Variants in SHISA9 observed in about 807,000 individuals in gnomAD.
SHISA9 encodes the protein protein shisa-9.
A neutral mutation model predicts 38.0 loss-of-function variants in SHISA9; 13 were observed. The ratio of observed to expected loss-of-function variants is 0.34; its 90% CI spans 0.22 to 0.54. SHISA9 has a LOEUF of 0.54. SHISA9 is among the 20% of genes least tolerant of loss of function. The pLI, the probability that SHISA9 is intolerant of heterozygous loss-of-function variation, is 0.91. For synonymous variants in SHISA9, 275 were observed against 242.0 expected, an observed-to-expected ratio of 1.14 and a Z score of -1.27; for missense variants, 538 against 575.8, an observed-to-expected ratio of 0.93 and a Z score of 0.67.
At chr16:13,449,557 C>T in the SHISA9 span, among the ~76,000 whole-genome samples, 5 of 152,086 alleles carry the variant, frequency 3.3e-5, no homozygotes, top group African/African-American at 1.2e-4. Flanking sequence ...CAGAGAGAAT[C>T]CACTGGATTG....
At chr16:13,268,916 C>A in the SHISA9 span, among the ~76,000 whole-genome samples, 2 of 152,110 alleles carry the variant, frequency 1.3e-5, no homozygotes, top group African/African-American at 4.8e-5. Flanking sequence ...GTTATATGTA[C>A]AGCTTTATCA....
intron 1 of SHISA9, chr16:12,911,284 G>A: frequency 3.0e-6 from 3 of 985,422 alleles, no homozygotes; most frequent in South Asian, 4.7e-5. Flanking sequence ...CTCAAACTAT[G>A]TGCCGCAAAC....
At chr16:13,171,075 A>T (rs1433424679) in intron 2 of SHISA9, among the ~76,000 whole-genome samples, 1 of 152,244 alleles carries the variant, frequency 6.6e-6, no homozygotes, top group Non-Finnish European at 1.5e-5. Context: ...TGAGGGCCTC[A>T]GGAAGTTTCC....
chr16:13,542,053 TAA>T, the SHISA9 span, among the ~76,000 whole-genome samples: 4 of 152,026 alleles, frequency 2.6e-5, no homozygotes, highest in Non-Finnish European at 4.4e-5. Flanking sequence ...AAGAGACAGA[TAA>T]AGACACACAT....
chr16:13,181,448 G>A (rs545546458), intron 2 of SHISA9, among the ~76,000 whole-genome samples: 55 of 151,790 alleles, frequency 3.6e-4, no homozygotes, highest in African/African-American at 1.3e-3. Context: ...ATATTTGAAG[G>A]TTTAAATGAG....
chr16:13,420,852 G>A, the SHISA9 span, among the ~76,000 whole-genome samples: 2 of 152,146 alleles, frequency 1.3e-5, no homozygotes, highest in South Asian at 2.1e-4. Context: ...CTGAGATTCT[G>A]CAGATGACAA....
chr16:13,091,267 A>G (rs2073772177), intron 2 of SHISA9, among the ~76,000 whole-genome samples: 1 of 152,014 alleles, frequency 6.6e-6, no homozygotes, highest in Non-Finnish European at 1.5e-5. Flanking sequence ...GAATCTGACA[A>G]TTATGTGTCT....
chr16:13,498,540 T>G, the SHISA9 span, among the ~76,000 whole-genome samples: 13 of 152,272 alleles, frequency 8.5e-5, no homozygotes, highest in South Asian at 2.5e-3. Flanking sequence ...GAGGATCAGC[T>G]GAGGTCAGGA....
At chr16:13,479,679 G>A in the SHISA9 span, among the ~76,000 whole-genome samples, 1 of 151,952 alleles carries the variant, frequency 6.6e-6, no homozygotes, top group Non-Finnish European at 1.5e-5. Context: ...CCTTCCTCAC[G>A]GCTGCATGAG....
chr16:13,485,062 A>C, the SHISA9 span, among the ~76,000 whole-genome samples: 1 of 151,848 alleles, frequency 6.6e-6, no homozygotes, highest in Non-Finnish European at 1.5e-5. Flanking sequence ...TCTGGGATAC[A>C]TATGCAGAAT....
At chr16:12,909,505 A>G in intron 1 of SHISA9, 1 of 985,356 alleles carries the variant, frequency 1.0e-6, no homozygotes, top group Non-Finnish European at 1.2e-6. Flanking sequence ...GGTGTCATAT[A>G]TTTGTCATTG....
intron 2 of SHISA9, among the ~76,000 whole-genome samples, chr16:12,932,983 A>G (rs893132600): frequency 1.3e-5 from 2 of 152,132 alleles, no homozygotes; most frequent in African/African-American, 4.8e-5. Flanking sequence ...AGTCCCTCAA[A>G]GGACTTATGA....
At chr16:13,010,109 T>G (rs987112816) in intron 2 of SHISA9, among the ~76,000 whole-genome samples, 1 of 151,926 alleles carries the variant, frequency 6.6e-6, no homozygotes, top group Non-Finnish European at 1.5e-5. Context: ...GCCCAGGAGG[T>G]TGAGACTGCA....
the SHISA9 span, among the ~76,000 whole-genome samples, chr16:13,523,142 G>C: frequency 6.6e-6 from 1 of 152,190 alleles, no homozygotes; most frequent in South Asian, 2.1e-4. Flanking sequence ...GACATCAGGA[G>C]TTTGAGACCA....
chr16:13,127,120 G>A lies in SHISA9; in HGVS notation c.692-76274G>A, dbSNP rs537211190. Among the ~76,000 whole-genome samples the A allele has an allele frequency of 4.7e-5, 7 of 148,168 alleles. No individual in the cohort carries two copies. The South Asian group carries it at 1.5e-3, about 32-fold the overall frequency. ...GAAAGAGAGAGAGACTGAGGGAACA[G>A]AGAGAGGGAGGGAGAGAGAGAGAGA... On this transcript the variant is annotated intron_variant, in intron 2 of 4. Transcript: ENST00000558583.
the SHISA9 span, among the ~76,000 whole-genome samples, chr16:13,426,194 G>A: frequency 6.6e-6 from 1 of 152,036 alleles, no homozygotes; most frequent in Non-Finnish European, 1.5e-5. Flanking sequence ...CCGTTTATTG[G>A]GAGCTTACTA....
At chr16:13,218,006 A>G (rs2051187100) in intron 4 of SHISA9, among the ~76,000 whole-genome samples, 1 of 133,190 alleles carries the variant, frequency 7.5e-6, no homozygotes, top group South Asian at 2.9e-4. Flanking sequence ...CTCCAACCTG[A>G]GAGAGAAGGA....
At chr16:13,243,713 A>G (rs1389055793), downstream of SHISA9, among the ~76,000 whole-genome samples, 1 of 147,514 alleles carries the variant, frequency 6.8e-6, no homozygotes, top group East Asian at 2.0e-4. Flanking sequence ...TTCTCCCTTC[A>G]TGGCCTGAAC....
chr16:13,396,026 T>G, the SHISA9 span, among the ~76,000 whole-genome samples: 1 of 152,204 alleles, frequency 6.6e-6, no homozygotes, highest in African/African-American at 2.4e-5. Flanking sequence ...CTATGACACA[T>G]TCTAAGTCGT....
Sources: allele counts gnomAD v4.1 joint callset (sites outside exome capture counted in the v4.1 genomes callset), GRCh38; gene constraint gnomAD v4.1.1; transcripts MANE v1.5; gene names NCBI Gene and HGNC (gene_info 2026-07-23, HGNC 2026-07-21).